The following XKR6 variants were observed in gnomAD, a reference collection of about 807,000 sequenced individuals.
XKR6 encodes XK-related protein 6.
Under a neutral mutation model 56.7 loss-of-function variants are expected in XKR6, and 22 were observed. The ratio of observed to expected loss-of-function variants is 0.39; its 90% CI spans 0.28 to 0.55. XKR6 has a LOEUF of 0.55. XKR6 is among the 20% of genes least tolerant of loss of function. XKR6 has a pLI of 0.66. For synonymous variants in XKR6, 524 were observed against 387.8 expected (o/e 1.35, Z -4.13); for missense variants, 852 against 889.0 (o/e 0.96, Z 0.53).
intron 1 of XKR6, among the ~76,000 whole-genome samples, chr8:11,197,193 T>G (rs1411843386): frequency 6.6e-6 from 1 of 152,214 alleles, no homozygotes; most frequent in Non-Finnish European, 1.5e-5. Context: ...ACAAGTTAAG[T>G]AAATTCCTTT....
intron 1 of XKR6, among the ~76,000 whole-genome samples, chr8:11,155,524 G>A (rs536460060): frequency 6.6e-6 from 1 of 152,246 alleles, no homozygotes; most frequent in Non-Finnish European, 1.5e-5. Flanking sequence ...TCCTCACATG[G>A]GATTCAAGAA....
chr8:11,050,192 G>C (rs1375051328), intron 1 of XKR6, among the ~76,000 whole-genome samples: 1 of 152,234 alleles, frequency 6.6e-6, no homozygotes, highest in Non-Finnish European at 1.5e-5. Context: ...GAAGCTGGCT[G>C]AGTAACAGAG....
At chr8:11,116,321 G>C (rs1012790741) in intron 1 of XKR6, among the ~76,000 whole-genome samples, 1 of 152,094 alleles carries the variant, frequency 6.6e-6, no homozygotes, top group Non-Finnish European at 1.5e-5. Flanking sequence ...AATTTGTCCT[G>C]TGTCAACACA....
chr8:10,909,119 T>C (rs897987926), intron 2 of XKR6, among the ~76,000 whole-genome samples: 2 of 151,838 alleles, frequency 1.3e-5, no homozygotes, highest in Non-Finnish European at 2.9e-5. Flanking sequence ...TGAGCTGAGA[T>C]TGCGCCACTG....
intron 2 of XKR6, among the ~76,000 whole-genome samples, 187 bp from the exon 3 acceptor site, chr8:10,899,103 A>G (rs890633562): frequency 6.6e-6 from 1 of 152,154 alleles, no homozygotes; most frequent in Non-Finnish European, 1.5e-5. Flanking sequence ...TGGGAGATGG[A>G]GCTTTTGTTT....
intron 1 of XKR6, among the ~76,000 whole-genome samples, chr8:11,161,238 T>C (rs1258012416): frequency 6.6e-6 from 1 of 152,124 alleles, no homozygotes; most frequent in African/African-American, 2.4e-5. Context: ...CTCCCTCCAA[T>C]CTAAACTCCT....
chr8:11,161,672 T>C (rs985539834), intron 1 of XKR6, among the ~76,000 whole-genome samples: 2 of 152,256 alleles, frequency 1.3e-5, no homozygotes, highest in African/African-American at 2.4e-5. Flanking sequence ...CTTTACTATG[T>C]TGGGAGCATT....
intron 1 of XKR6, among the ~76,000 whole-genome samples, chr8:10,983,334 G>C (rs560332219): frequency 6.6e-6 from 1 of 152,194 alleles, no homozygotes; most frequent in East Asian, 1.9e-4. Context: ...CAGTGATCGG[G>C]AAACAACCAC....
intron 1 of XKR6, among the ~76,000 whole-genome samples, chr8:10,979,252 C>A (rs553775619): frequency 6.6e-6 from 1 of 152,162 alleles, no homozygotes; most frequent in East Asian, 1.9e-4. Flanking sequence ...TCCCCCAACC[C>A]CCAAGGGCCC....
intron 1 of XKR6, among the ~76,000 whole-genome samples, chr8:11,010,150 G>A (rs1239994855): frequency 6.6e-6 from 1 of 152,088 alleles, no homozygotes; most frequent in Non-Finnish European, 1.5e-5. Flanking sequence ...TCTCTTATAT[G>A]GCCACAACAG....
At chr8:11,048,458 A>C (rs962973693) in intron 1 of XKR6, among the ~76,000 whole-genome samples, 17 of 152,296 alleles carry the variant, frequency 1.1e-4, no homozygotes, top group African/African-American at 4.1e-4. Context: ...AGAAACGCAT[A>C]TCGAGGTCTC....
At chr8:11,116,740 G>A (rs746367667) in intron 1 of XKR6, among the ~76,000 whole-genome samples, 1 of 152,050 alleles carries the variant, frequency 6.6e-6, no homozygotes, top group Non-Finnish European at 1.5e-5. Context: ...GAACTCAGAT[G>A]TCCCCCTTAC....
chr8:10,996,469 G>A (rs1668442819), intron 1 of XKR6, among the ~76,000 whole-genome samples: 1 of 152,284 alleles, frequency 6.6e-6, no homozygotes, highest in Non-Finnish European at 1.5e-5. Flanking sequence ...AAGGACCAGA[G>A]CACATCTCTA....
Position 10,898,805 on chromosome 8 carries a change from A to T in XKR6, c.1073T>A (p.Ile358Asn), listed in dbSNP as rs1377298142. Residue 358 changes from isoleucine to asparagine, a missense_variant, in exon 3 of 3, where the codon ATC becomes AAC. Transcript: ENST00000416569. The surrounding 1 kb of genome is among the most constrained non-coding windows in gnomAD (Gnocchi z 6.6). The stretch of plus-strand genomic sequence containing the variant: ...GAAGAGGCGCCAGAAGACCTGGATG[A>T]TGGCCCCTCTGTAGCTCATGCTCTT... ...DKKSMSYRGA[I>N]IQVFWRLFTI... The T allele has an allele frequency of 6.2e-7, 1 of 1,614,174 alleles. No individual in the cohort carries two copies.
chr8:11,159,024 C>T, intron 1 of XKR6, among the ~76,000 whole-genome samples: 1 of 152,170 alleles, frequency 6.6e-6, no homozygotes, highest in Non-Finnish European at 1.5e-5. Context: ...AAACCTGGTT[C>T]TACCATTTAC....
At chr8:10,993,356 G>A (rs1798036771) in intron 1 of XKR6, among the ~76,000 whole-genome samples, 1 of 152,220 alleles carries the variant, frequency 6.6e-6, no homozygotes, top group South Asian at 2.1e-4. Flanking sequence ...GGCGAGAGGT[G>A]ACATCATAGA....
intron 1 of XKR6, among the ~76,000 whole-genome samples, chr8:11,144,648 T>G (rs1471083848): frequency 6.6e-6 from 1 of 152,106 alleles, no homozygotes; most frequent in East Asian, 1.9e-4. Flanking sequence ...CCTCGATATC[T>G]GCTTTCCAGG....
chr8:10,957,273 C>T (rs1050391618), intron 1 of XKR6, among the ~76,000 whole-genome samples: 2 of 152,154 alleles, frequency 1.3e-5, no homozygotes, highest in Admixed American at 6.5e-5. Context: ...TCAACCTGCC[C>T]CATCCAAGCT....
intron 1 of XKR6, among the ~76,000 whole-genome samples, chr8:11,173,779 T>C (rs553919779): frequency 1.3e-5 from 2 of 152,280 alleles, no homozygotes; most frequent in South Asian, 4.1e-4. Context: ...AGTTCCCTGA[T>C]GCCACTGCCG....
Sources: gnomAD v4.1 joint callset for allele counts (sites outside exome capture counted in the v4.1 genomes callset) on GRCh38, gnomAD v4.1.1 for gene constraint, Gnocchi (gnomAD v3.1) non-coding constraint, MANE v1.5 for transcripts, NCBI Gene and HGNC (gene_info 2026-07-23, HGNC 2026-07-21) for gene names.